The following ATXN1 variants were observed in gnomAD, a reference collection of about 807,000 sequenced individuals.
The protein encoded by ATXN1 is ataxin 1.
A neutral mutation model predicts 56.4 loss-of-function variants in ATXN1; 8 were observed. That is an observed-to-expected ratio of 0.14 (90% CI 0.08 to 0.26). ATXN1 has a LOEUF of 0.26. Ranked by LOEUF, ATXN1 falls within the 10% of genes least tolerant of loss-of-function variation. The probability of loss-of-function intolerance (pLI) is 1.00; values close to 1 mark genes in which losing one functional copy is unlikely to be tolerated. For missense variants in ATXN1, 987 were observed against 1,106.5 expected (o/e 0.89, Z 1.53); for synonymous variants, 514 against 494.6 (o/e 1.04, Z -0.52).
chr6:16,608,162 T>C (rs1298928327), intron 3 of ATXN1, among the ~76,000 whole-genome samples: 1 of 152,244 alleles, frequency 6.6e-6, no homozygotes, highest in Non-Finnish European at 1.5e-5. Flanking sequence ...ACCTCTGTTC[T>C]AGAACCATCT....
intron 4 of ATXN1, among the ~76,000 whole-genome samples, chr6:16,578,441 AAG>A (rs1452501016): frequency 1.3e-5 from 2 of 152,204 alleles, no homozygotes; most frequent in Non-Finnish European, 1.5e-5. Flanking sequence ...AGAAAATCTG[AAG>A]AGTTCTACAT....
At chr6:16,317,505 A>C (rs1760539028) in intron 7 of ATXN1, among the ~76,000 whole-genome samples, 1 of 152,020 alleles carries the variant, frequency 6.6e-6, no homozygotes, top group Admixed American at 6.6e-5. Context: ...TTTTGTATTT[A>C]GTAGAGACGG....
chr6:16,593,336 T>C (rs115987186), intron 3 of ATXN1, among the ~76,000 whole-genome samples: 1 of 152,230 alleles, frequency 6.6e-6, no homozygotes, highest in African/African-American at 2.4e-5. Flanking sequence ...CCCTGGGGAC[T>C]ATGGAAAGAG....
At chr6:16,598,439 G>A (rs1300682730) in intron 3 of ATXN1, among the ~76,000 whole-genome samples, 3 of 152,164 alleles carry the variant, frequency 2.0e-5, no homozygotes, top group Non-Finnish European at 4.4e-5. Flanking sequence ...AATCAAAGCC[G>A]AGTATTGATC....
chr6:16,528,371 G>A (rs1761434623), intron 4 of ATXN1, among the ~76,000 whole-genome samples: 1 of 151,806 alleles, frequency 6.6e-6, no homozygotes, highest in African/African-American at 2.4e-5. Context: ...TCCTCTGAAG[G>A]TATACATGGG....
At chr6:16,406,514 C>T (rs1758688480) in intron 6 of ATXN1, among the ~76,000 whole-genome samples, 1 of 152,182 alleles carries the variant, frequency 6.6e-6, no homozygotes, top group Non-Finnish European at 1.5e-5. Context: ...TTTTCCTCCC[C>T]ATCTAATTAG....
intron 2 of ATXN1, among the ~76,000 whole-genome samples, chr6:16,699,863 C>T (rs769977576): frequency 2.0e-5 from 3 of 151,992 alleles, no homozygotes; most frequent in Non-Finnish European, 4.4e-5. Flanking sequence ...ATTTTGCTCA[C>T]GAACATTTTT....
At chr6:16,393,497 AGTG>A (rs1719377828) in intron 6 of ATXN1, among the ~76,000 whole-genome samples, 1 of 152,136 alleles carries the variant, frequency 6.6e-6, no homozygotes, top group African/African-American at 2.4e-5. Flanking sequence ...GGCCTTCCAA[AGTG>A]TTGGAATTGT....
chr6:16,711,133 T>G (rs1046788434), intron 2 of ATXN1, among the ~76,000 whole-genome samples: 2 of 152,188 alleles, frequency 1.3e-5, no homozygotes, highest in Non-Finnish European at 2.9e-5. Context: ...AAAACACATA[T>G]AAAACCAAAT....
intron 6 of ATXN1, among the ~76,000 whole-genome samples, chr6:16,384,919 C>T (rs1056692629): frequency 2.6e-5 from 4 of 152,172 alleles, no homozygotes; most frequent in African/African-American, 9.7e-5. Context: ...ACATCTGTAT[C>T]CAGTGTGCAG....
chr6:16,713,986 G>A (rs1240582), intron 2 of ATXN1, among the ~76,000 whole-genome samples: 46,124 of 151,846 alleles, frequency 0.3, 7,809 homozygotes, highest in African/African-American at 0.46. Context: ...GTGAAATCTC[G>A]TCTTTATAAA....
chr6:16,366,474 T>C (rs983540186), intron 6 of ATXN1, among the ~76,000 whole-genome samples: 2 of 152,036 alleles, frequency 1.3e-5, no homozygotes, highest in African/African-American at 2.4e-5. Context: ...ACTTAAACTA[T>C]ATATGCATGA....
chr6:16,306,367 T>C lies in ATXN1; in HGVS notation c.2410A>G (p.Lys804Glu). 6.2e-7 allele frequency: 1 copy of C among 1,613,282 alleles called. No homozygotes were observed. Among genetic ancestry groups the C allele is most frequent in the Non-Finnish European group, 8.5e-7 (1 of 1,179,654 alleles). ...TTAGACCGGCCTTCAATGCAAATCT[T>C]AACCTCCTGAGGAATTAGAGAAGGC... ...PKPSLIPQEV[K>E]ICIEGRSNVG... The change falls in exon 8 of 8, where the codon AAG becomes GAG. Residue 804 changes from lysine to glutamate, a missense_variant. Coordinates refer to ENST00000436367, the MANE Select transcript of ATXN1 (RefSeq NM_001128164.2). The surrounding 1 kb of genome is among the most constrained non-coding windows in gnomAD (Gnocchi z 5.2).
intron 2 of ATXN1, among the ~76,000 whole-genome samples, chr6:16,749,238 CAG>C (rs1248126792): frequency 1.3e-5 from 2 of 152,142 alleles, no homozygotes; most frequent in Non-Finnish European, 2.9e-5. Context: ...ACAATTGCTA[CAG>C]AGTCAAGTAG....
At chr6:16,591,530 G>A (rs551117472) in intron 3 of ATXN1, among the ~76,000 whole-genome samples, 102 of 152,158 alleles carry the variant, frequency 6.7e-4, no homozygotes, top group African/African-American at 2.1e-3. Flanking sequence ...TGTTCATTAT[G>A]CTGGTCCTTC....
intron 4 of ATXN1, among the ~76,000 whole-genome samples, chr6:16,574,556 T>C (rs1020920534): frequency 2.6e-5 from 4 of 152,096 alleles, no homozygotes; most frequent in Admixed American, 2.6e-4. Flanking sequence ...TGTTGGCCAG[T>C]CTGGTCTCGA....
intron 4 of ATXN1, among the ~76,000 whole-genome samples, chr6:16,567,682 T>C (rs1762254403): frequency 6.6e-6 from 1 of 151,854 alleles, no homozygotes; most frequent in Non-Finnish European, 1.5e-5. Flanking sequence ...GATAGTAAGT[T>C]CCCTGAGAAG....
chr6:16,315,805 T>G (rs531865643), intron 7 of ATXN1, among the ~76,000 whole-genome samples: 13 of 152,200 alleles, frequency 8.5e-5, no homozygotes, highest in Non-Finnish European at 1.8e-4. Context: ...TGGGACCACA[T>G]GCATGCACCA....
chr6:16,377,148 C>T (rs1762156107), intron 6 of ATXN1, among the ~76,000 whole-genome samples: 1 of 152,212 alleles, frequency 6.6e-6, no homozygotes, highest in African/African-American at 2.4e-5. Flanking sequence ...AAAAATCAAA[C>T]CTCACCAAAT....
Sources: allele counts gnomAD v4.1 joint callset (sites outside exome capture counted in the v4.1 genomes callset), GRCh38; gene constraint gnomAD v4.1.1; non-coding constraint Gnocchi (gnomAD v3.1); transcripts MANE v1.5; gene names NCBI Gene and HGNC (gene_info 2026-07-23, HGNC 2026-07-21).